COG5: variants seen among roughly 807,000 people sequenced by gnomAD.
The protein encoded by COG5 is conserved oligomeric Golgi complex subunit 5.
COG5 carries 86 observed loss-of-function variants against 110.4 expected under a neutral mutation model. The observed-to-expected ratio is 0.78, with a 90% CI of 0.65 to 0.93. The LOEUF is 0.93. Among genes scored for constraint, COG5 ranks in the 40% least tolerant of loss-of-function variants. COG5 has a pLI of 0.00. For synonymous variants in COG5, 360 were observed against 334.6 expected (o/e 1.08, Z -0.83); for missense variants, 1,077 against 987.0 (o/e 1.09, Z -1.22).
chr7:107,278,733 T>G (rs887093148), intron 14 of COG5, among the ~76,000 whole-genome samples: 1 of 152,164 alleles, frequency 6.6e-6, no homozygotes, highest in Non-Finnish European at 1.5e-5. Flanking sequence ...TGGCTAACCA[T>G]ATGCAGAAAA....
chr7:107,402,627 T>C (rs1791519305), intron 7 of COG5, among the ~76,000 whole-genome samples: 1 of 152,150 alleles, frequency 6.6e-6, no homozygotes, highest in African/African-American at 2.4e-5. Context: ...AAACAAATAA[T>C]GTCCTCTCCC....
intron 5 of COG5, among the ~76,000 whole-genome samples, chr7:107,528,191 A>C (rs576648456): frequency 5.3e-5 from 8 of 151,964 alleles, no homozygotes; most frequent in African/African-American, 1.9e-4. Context: ...TCCTGGGCTC[A>C]AGCGATCCTT....
At chr7:107,238,449 C>T (rs573469166) in intron 17 of COG5, among the ~76,000 whole-genome samples, 2 of 151,710 alleles carry the variant, frequency 1.3e-5, no homozygotes, top group African/African-American at 4.8e-5. Context: ...GTAAGTAATG[C>T]TGCAATGAAC....
chr7:107,492,070 AT>A (rs1239476662), intron 6 of COG5, among the ~76,000 whole-genome samples: 3 of 152,130 alleles, frequency 2.0e-5, no homozygotes, highest in Admixed American at 6.6e-5. Flanking sequence ...GTATAAAAAA[AT>A]ATCTAGTTTC....
intron 10 of COG5, among the ~76,000 whole-genome samples, chr7:107,334,827 G>T (rs1810572787): frequency 6.6e-6 from 1 of 151,410 alleles, no homozygotes; most frequent in South Asian, 2.1e-4. Context: ...ACATCTGAAG[G>T]TATAAAACCC....
intron 10 of COG5, among the ~76,000 whole-genome samples, chr7:107,332,487 T>C (rs1233010988): frequency 2.0e-5 from 3 of 152,058 alleles, no homozygotes; most frequent in East Asian, 3.9e-4. Context: ...TATAAATATT[T>C]TAAAAGGAAG....
chr7:107,264,183 T>C (rs982116628), intron 14 of COG5, among the ~76,000 whole-genome samples: 1 of 152,188 alleles, frequency 6.6e-6, no homozygotes, highest in Admixed American at 6.5e-5. Context: ...GGCCCTGTTA[T>C]GGTCTCTCAA....
intron 11 of COG5, among the ~76,000 whole-genome samples, chr7:107,301,073 A>G (rs1807223826): frequency 6.6e-6 from 1 of 152,192 alleles, no homozygotes. Context: ...AACAAATGAT[A>G]CTGTAACAAT....
intron 6 of COG5, among the ~76,000 whole-genome samples, chr7:107,515,959 A>G (rs1799890934): frequency 6.6e-6 from 1 of 152,236 alleles, no homozygotes; most frequent in South Asian, 2.1e-4. Flanking sequence ...TAAGTACATT[A>G]CCTTACTCAT....
intron 6 of COG5, among the ~76,000 whole-genome samples, chr7:107,434,602 G>C (rs1489051858): frequency 6.6e-6 from 1 of 151,956 alleles, no homozygotes; most frequent in Non-Finnish European, 1.5e-5. Context: ...TAAATTAAGA[G>C]ATAAAATTTT....
At chr7:107,401,146 A>T (rs766627283) in intron 7 of COG5, among the ~76,000 whole-genome samples, 1 of 152,142 alleles carries the variant, frequency 6.6e-6, no homozygotes, top group Non-Finnish European at 1.5e-5. Flanking sequence ...AACATAAAAA[A>T]ACAGGCCACG....
Position 107,372,686 on chromosome 7 carries a change from AACACTGGTAATAGTATCCTT to A in COG5, c.724_743del (p.Lys242CysfsTer90), listed in dbSNP as rs766437035. 1.2e-5 allele frequency: 19 copies of A among 1,613,496 alleles called. No individual in the cohort carries two copies. Among genetic ancestry groups the A allele is most frequent in the Non-Finnish European group, 1.5e-5 (18 of 1,179,698 alleles). Reference sequence around the variant, plus strand: ...CTAAAGTAGCACAATATCCATCCACAACACTGGTAATAGTATCCTTCAAAGTTCCAAGATTATAGAAAACC... The same window carrying A: ...CTAAAGTAGCACAATATCCATCCACACAAAGTTCCAAGATTATAGAAAACC... On this transcript the variant is annotated frameshift_variant, in exon 8 of 22. Transcript: ENST00000297135. LOFTEE classifies it high-confidence loss of function.
At chr7:107,375,169 T>A (rs1302512018) in intron 7 of COG5, among the ~76,000 whole-genome samples, 2 of 152,096 alleles carry the variant, frequency 1.3e-5, no homozygotes, top group Admixed American at 1.3e-4. Context: ...TATTTTTTTG[T>A]GAAATTCGTC....
At chr7:107,556,929 C>T (rs1803367168) in intron 2 of COG5, among the ~76,000 whole-genome samples, 1 of 152,078 alleles carries the variant, frequency 6.6e-6, no homozygotes, top group Non-Finnish European at 1.5e-5. Context: ...CACCACCATG[C>T]CCAGCTAATT....
At chr7:107,267,221 T>A (rs1348868756) in intron 14 of COG5, among the ~76,000 whole-genome samples, 2 of 152,178 alleles carry the variant, frequency 1.3e-5, no homozygotes, top group Admixed American at 6.5e-5. Context: ...CCTAACTTTC[T>A]CATTAACCTT....
intron 8 of COG5, among the ~76,000 whole-genome samples, chr7:107,365,971 G>A (rs762829927): frequency 6.6e-6 from 1 of 152,060 alleles, no homozygotes; most frequent in Non-Finnish European, 1.5e-5. Flanking sequence ...TTTCAATGAT[G>A]AATAATCATC....
intron 10 of COG5, among the ~76,000 whole-genome samples, chr7:107,342,690 C>A (rs1409466626): frequency 4.0e-5 from 6 of 151,452 alleles, no homozygotes; most frequent in South Asian, 2.1e-4. Context: ...AAACAAAAAA[C>A]CAAACAAAAA....
chr7:107,286,370 AT>A (rs1805629534), intron 12 of COG5, among the ~76,000 whole-genome samples: 1 of 152,190 alleles, frequency 6.6e-6, no homozygotes, highest in South Asian at 2.1e-4. Flanking sequence ...TCCAGCCTCC[AT>A]CAGCCCACCA....
Position 107,324,473 on chromosome 7 carries a change from C to A in COG5, c.1075G>T (p.Ala359Ser). Residue 359 changes from alanine to serine, a missense_variant, in exon 11 of 22, where the codon GCA becomes TCA. Physicochemically the swap from Ala to Ser is moderately conservative, Grantham distance 99. Coordinates refer to ENST00000297135, the MANE Select transcript of COG5 (RefSeq NM_006348.5). ...FYTFWNSVTQ[A>S]LSSQFHMATN... ...GCCATATGAAATTGAGAAGAAAGTG[C>A]CTGAGTAACTGAATTCCAAAATGTG... The A allele has an allele frequency of 6.2e-7, 1 of 1,605,140 alleles. No homozygotes were observed. The highest frequency in any genetic ancestry group is 8.5e-7 in the Non-Finnish European group (1 of 1,174,968).
Sources: allele counts gnomAD v4.1 joint callset (sites outside exome capture counted in the v4.1 genomes callset), GRCh38; gene constraint gnomAD v4.1.1; transcripts MANE v1.5; gene names NCBI Gene and HGNC (gene_info 2026-07-23, HGNC 2026-07-21).